PPA2: variants seen among roughly 807,000 people sequenced by gnomAD.
The protein encoded by PPA2 is inorganic pyrophosphatase 2.
PPA2 carries 48 observed loss-of-function variants against 49.5 expected under a neutral mutation model. The ratio of observed to expected loss-of-function variants is 0.97; its 90% CI spans 0.77 to 1.23. PPA2 has a LOEUF of 1.23. Ranked by LOEUF, PPA2 falls within the 50% of genes most tolerant of loss-of-function variation. PPA2 has a pLI of 0.00. For synonymous variants in PPA2, 131 were observed against 139.9 expected, an observed-to-expected ratio of 0.94 and a Z score of 0.45; for missense variants, 429 against 410.1, an observed-to-expected ratio of 1.05 and a Z score of -0.40.
At chr4:105,396,458 GC>G (rs1271869115) in intron 8 of PPA2, 124 bp from the exon 9 acceptor site, 37 of 616,572 alleles carry the variant, frequency 6.0e-5, no homozygotes, top group Non-Finnish European at 8.4e-5. Context: ...GTCAGGCAAA[GC>G]TTGGTATAAA....
At chr4:105,435,000 T>C (rs1449950066) in intron 6 of PPA2, among the ~76,000 whole-genome samples, 1 of 152,240 alleles carries the variant, frequency 6.6e-6, no homozygotes, top group Non-Finnish European at 1.5e-5. Context: ...ACATTTAGTT[T>C]TCTTAGACAC....
chr4:105,399,795 T>C (rs1353973464), intron 7 of PPA2, among the ~76,000 whole-genome samples: 1 of 152,180 alleles, frequency 6.6e-6, no homozygotes, highest in Non-Finnish European at 1.5e-5. Flanking sequence ...TTATCCACGG[T>C]TTTGTTTTCT....
rs1367864038 is a variant in PPA2 at position 105,399,488 on chromosome 4, CAA to C, written c.656-326_656-325del. On this transcript the variant is annotated intron_variant, in intron 7 of 11. Coordinates refer to ENST00000341695, the MANE Select transcript of PPA2 (RefSeq NM_176869.3). ...TCAGTTTTTAACTCAGGGAAAGAGA[CAA>C]ATAGATAAACTGCAATTAAAATGCA... 12 of 184,892 alleles carry C rather than the reference CAA, an allele frequency of 6.5e-5. No homozygotes were observed. In the East Asian group the frequency reaches 1.6e-3, roughly 25 times the overall value. The allele number at this position is 184,892 out of a possible 1,614,324, so 11.5% of individuals were successfully genotyped here.
At chr4:105,384,666 T>C (rs1225393786) in intron 10 of PPA2, among the ~76,000 whole-genome samples, 1 of 152,184 alleles carries the variant, frequency 6.6e-6, no homozygotes, top group Non-Finnish European at 1.5e-5. Flanking sequence ...ATAATCTACA[T>C]AGATACAAAA....
chr4:105,375,376 T>C (rs559428016), intron 10 of PPA2, among the ~76,000 whole-genome samples: 2 of 151,842 alleles, frequency 1.3e-5, no homozygotes, highest in Admixed American at 6.6e-5. Context: ...CCCTGATTTA[T>C]GAAGAAAAGG....
intron 10 of PPA2, among the ~76,000 whole-genome samples, chr4:105,371,946 G>T (rs1343244696): frequency 6.6e-6 from 1 of 152,132 alleles, no homozygotes; most frequent in Non-Finnish European, 1.5e-5. Context: ...TGTATTTCAA[G>T]GGCCTCATCT....
intron 1 of PPA2, among the ~76,000 whole-genome samples, chr4:105,470,938 GTTGCAGAAA>G (rs1723498535): frequency 6.6e-6 from 1 of 152,228 alleles, no homozygotes; most frequent in Non-Finnish European, 1.5e-5. Flanking sequence ...GCTTCTGGAA[GTTGCAGAAA>G]TCATAACCCT....
At chr4:105,463,110 A>G (rs565240966) in intron 1 of PPA2, among the ~76,000 whole-genome samples, 1 of 152,320 alleles carries the variant, frequency 6.6e-6, no homozygotes, top group Admixed American at 6.5e-5. Flanking sequence ...GGCTCTGAAG[A>G]AGACAGGAAA....
chr4:105,387,964 T>A (rs1330166661), intron 9 of PPA2, among the ~76,000 whole-genome samples: 1 of 150,260 alleles, frequency 6.7e-6, no homozygotes, highest in Non-Finnish European at 1.5e-5. Context: ...ATATACAAAG[T>A]ACTAATTACA....
chr4:105,393,734 C>T (rs1420997830), intron 9 of PPA2, among the ~76,000 whole-genome samples: 1 of 151,616 alleles, frequency 6.6e-6, no homozygotes, highest in East Asian at 1.9e-4. Flanking sequence ...ATAGTATGGA[C>T]CTAAACTGAA....
chr4:105,447,691 A>G (rs1171181795), intron 4 of PPA2, among the ~76,000 whole-genome samples: 1 of 151,826 alleles, frequency 6.6e-6, no homozygotes, highest in Non-Finnish European at 1.5e-5. Flanking sequence ...ACCAAAAAAG[A>G]GATTCTCACC....
chr4:105,432,013 T>C (rs1723824318), intron 6 of PPA2, among the ~76,000 whole-genome samples: 2 of 152,208 alleles, frequency 1.3e-5, no homozygotes, highest in South Asian at 2.1e-4. Context: ...ATACAGGTGA[T>C]GGTTGTACAA....
chr4:105,417,903 T>C (rs1225413884), intron 7 of PPA2, among the ~76,000 whole-genome samples: 1 of 152,192 alleles, frequency 6.6e-6, no homozygotes, highest in Non-Finnish European at 1.5e-5. Flanking sequence ...ATGAAGAACA[T>C]GGACTCTGGA....
intron 1 of PPA2, among the ~76,000 whole-genome samples, chr4:105,458,008 C>A (rs79767623): frequency 0.044 from 6,663 of 152,234 alleles, 501 homozygotes; most frequent in African/African-American, 0.15. Flanking sequence ...AGTGCTCAAA[C>A]ATCAGAAGAC....
At chr4:105,441,847 A>G (rs1250337333) in intron 5 of PPA2, among the ~76,000 whole-genome samples, 3 of 152,180 alleles carry the variant, frequency 2.0e-5, no homozygotes, top group Non-Finnish European at 1.5e-5. Flanking sequence ...GTAATGGCCA[A>G]TACATTTCTA....
chr4:105,470,066 T>C (rs1476200668), intron 1 of PPA2, among the ~76,000 whole-genome samples: 1 of 152,244 alleles, frequency 6.6e-6, no homozygotes, highest in Non-Finnish European at 1.5e-5. Flanking sequence ...CACAGCACTA[T>C]TTCTCTAAGT....
At position 105,420,537 on chromosome 4, in the gene PPA2, C is replaced by G. The variant is rs1193373125; in HGVS notation, c.655+3659G>C. Reference sequence around the variant, plus strand: ...AAAGAAAATTCCTGATAGCTGCCCTCTCCTAAGTGTTTTTAAATTTCTCTC... The same window carrying G: ...AAAGAAAATTCCTGATAGCTGCCCTGTCCTAAGTGTTTTTAAATTTCTCTC... On this transcript the variant is annotated intron_variant, in intron 7 of 11. Transcript: ENST00000341695. 2.0e-5 allele frequency among the ~76,000 whole-genome samples: 3 copies of G among 152,338 alleles called. No homozygotes were observed. In the East Asian group the frequency reaches 5.8e-4, roughly 29 times the overall value.
intron 3 of PPA2, among the ~76,000 whole-genome samples, 166 bp from the exon 4 acceptor site, chr4:105,449,569 TG>T (rs1722581576): frequency 2.0e-5 from 3 of 152,332 alleles, no homozygotes; most frequent in African/African-American, 7.2e-5. Flanking sequence ...AAATTAGAGT[TG>T]TCTAAAACAC....
intron 1 of PPA2, among the ~76,000 whole-genome samples, chr4:105,467,208 T>C (rs1723340929): frequency 6.6e-6 from 1 of 152,194 alleles, no homozygotes; most frequent in South Asian, 2.1e-4. Flanking sequence ...GAAGGAGTAA[T>C]ATTTGATATT....
Sources: allele counts gnomAD v4.1 joint callset (sites outside exome capture counted in the v4.1 genomes callset), GRCh38; gene constraint gnomAD v4.1.1; transcripts MANE v1.5; gene names NCBI Gene and HGNC (gene_info 2026-07-23, HGNC 2026-07-21).